SORCS2: variants seen among roughly 807,000 people sequenced by gnomAD.
SORCS2 encodes the protein VPS10 domain-containing receptor SorCS2.
A neutral mutation model predicts 141.6 loss-of-function variants in SORCS2; 100 were observed. That is an observed-to-expected ratio of 0.71 (90% confidence interval 0.60 to 0.83). The LOEUF (loss-of-function observed/expected upper bound fraction) is 0.83, where lower values mean the gene tolerates loss of function less well. Ranked by LOEUF, SORCS2 falls within the 40% of genes least tolerant of loss-of-function variation. The pLI is 0.00. For synonymous variants in SORCS2, 789 were observed against 676.9 expected, an observed-to-expected ratio of 1.17 and a Z score of -2.57; for missense variants, 1,646 against 1,560.2, an observed-to-expected ratio of 1.05 and a Z score of -0.93.
At chr4:7,630,984 G>A (rs1431084080) in intron 3 of SORCS2, among the ~76,000 whole-genome samples, 1 of 151,998 alleles carries the variant, frequency 6.6e-6, no homozygotes, top group Non-Finnish European at 1.5e-5. Flanking sequence ...CTGCAGAGGC[G>A]AGTGTGATCC....
chr4:7,299,877 C>T (rs979560007), intron 1 of SORCS2, among the ~76,000 whole-genome samples: 5 of 152,208 alleles, frequency 3.3e-5, no homozygotes, highest in East Asian at 1.9e-4. Flanking sequence ...CGTTGGCCTC[C>T]GCTTGTCCTT....
At chr4:7,634,654 G>C (rs1000826256) in intron 3 of SORCS2, among the ~76,000 whole-genome samples, 1 of 152,208 alleles carries the variant, frequency 6.6e-6, no homozygotes, top group Non-Finnish European at 1.5e-5. Context: ...CTTCGAGGAG[G>C]GGGGTAACTC....
rs180937859 is a variant in SORCS2 at position 7,274,290 on chromosome 4, G to A, written c.480+81164G>A. On this transcript the variant is annotated intron_variant, in intron 1 of 26. Transcript: ENST00000507866. Reference sequence around the variant, plus strand: ...TTTGGAATTGTTGGAAGAGGGCTCCGCCTCATTTATCCATCATGGGTGAGG... The same window carrying A: ...TTTGGAATTGTTGGAAGAGGGCTCCACCTCATTTATCCATCATGGGTGAGG... Among the ~76,000 whole-genome samples the A allele has an allele frequency of 5.9e-5, 9 of 152,340 alleles. No individual in the cohort carries two copies. In the East Asian group the frequency reaches 1.5e-3, roughly 26 times the overall value.
intron 2 of SORCS2, among the ~76,000 whole-genome samples, chr4:7,483,271 C>T (rs1391721324): frequency 1.4e-5 from 2 of 144,794 alleles, no homozygotes; most frequent in South Asian, 2.2e-4. Context: ...TGAAGTGAAC[C>T]GAGATTGGGC....
At chr4:7,412,058 G>A (rs1351006040) in intron 2 of SORCS2, among the ~76,000 whole-genome samples, 3 of 152,238 alleles carry the variant, frequency 2.0e-5, no homozygotes, top group African/African-American at 7.2e-5. Flanking sequence ...ATCCTAGGCT[G>A]TGTGGCAGAA....
At position 7,549,642 on chromosome 4, in the gene SORCS2, A is replaced by G. The variant is rs541314708; in HGVS notation, c.648+18013A>G. Among the ~76,000 whole-genome samples the G allele has an allele frequency of 1.9e-4, 29 of 152,354 alleles. No individual in the cohort carries two copies. In the East Asian group the frequency reaches 4.6e-3, roughly 24 times the overall value. ...GAAAGGGAGAAATTCAGTAATGCTTATGATGAACCCAGCACTGGTGCAAGC... is the reference window on the plus strand; with the variant it reads ...GAAAGGGAGAAATTCAGTAATGCTTGTGATGAACCCAGCACTGGTGCAAGC... On this transcript the variant is annotated intron_variant, in intron 3 of 26. Transcript: ENST00000507866.
intron 3 of SORCS2, among the ~76,000 whole-genome samples, chr4:7,548,259 C>T (rs542990048): frequency 2.6e-5 from 4 of 152,158 alleles, no homozygotes; most frequent in Non-Finnish European, 5.9e-5. Context: ...ATTGGGAAGT[C>T]ACCTTTGATT....
At chr4:7,701,436 G>T (rs538680810) in intron 12 of SORCS2, among the ~76,000 whole-genome samples, 3 of 152,218 alleles carry the variant, frequency 2.0e-5, no homozygotes, top group Admixed American at 1.3e-4. Context: ...AGGAGGAAAC[G>T]CCTGGGGAAG....
chr4:7,740,787 C>T lies in SORCS2; in HGVS notation c.*523C>T, dbSNP rs1712607939. The T allele has an allele frequency of 2.8e-6, 1 of 355,522 alleles. No homozygotes were observed. The allele number at this position is 355,522 out of a possible 1,614,324, so 22.0% of individuals were successfully genotyped here. On this transcript the variant is annotated 3_prime_UTR_variant, in exon 27 of 27. Transcript: ENST00000507866. Reference sequence around the variant, plus strand: ...CCCAACACCACACCACCCTCCAGGCCCCCCTGCCCTCCGGCTGGAAACTGC... The same window carrying T: ...CCCAACACCACACCACCCTCCAGGCTCCCCTGCCCTCCGGCTGGAAACTGC...
At position 7,580,816 on chromosome 4, in the gene SORCS2, G is replaced by C. The variant is rs1040048653; in HGVS notation, c.648+49187G>C. 5.9e-5 allele frequency among the ~76,000 whole-genome samples: 9 copies of C among 152,144 alleles called. No individual in the cohort carries two copies. The East Asian group carries it at 1.7e-3, about 29-fold the overall frequency. ...CATCGTGTAAAAGTTAGACTAGTCA[G>C]AATGTGCATCTCAGTTTTAGGGGGT... On this transcript the variant is annotated intron_variant, in intron 3 of 26. Transcript: ENST00000507866.
chr4:7,617,535 T>A (rs1718846964), intron 3 of SORCS2, among the ~76,000 whole-genome samples: 1 of 152,080 alleles, frequency 6.6e-6, no homozygotes, highest in African/African-American at 2.4e-5. Flanking sequence ...GAAACTACTA[T>A]CCTGACGTAG....
rs886863066 is a variant in SORCS2, at chr4:7,285,949, T to C, written c.480+92823T>C. 2.0e-5 allele frequency among the ~76,000 whole-genome samples: 3 copies of C among 152,236 alleles called. No homozygotes were observed. In the South Asian group the frequency reaches 6.2e-4, roughly 32 times the overall value. On this transcript the variant is annotated intron_variant, in intron 1 of 26. Coordinates refer to ENST00000507866, the MANE Select transcript of SORCS2 (RefSeq NM_020777.3). ...GACAGCCTGGGGCTGCAGTGTAGCGTGGAGGCCCAGTGCGGGGACCAGCAC... is the reference window on the plus strand; with the variant it reads ...GACAGCCTGGGGCTGCAGTGTAGCGCGGAGGCCCAGTGCGGGGACCAGCAC...
chr4:7,623,177 C>T lies in SORCS2; in HGVS notation c.649-15151C>T, dbSNP rs1325306283. 3.3e-5 allele frequency among the ~76,000 whole-genome samples: 5 copies of T among 152,096 alleles called. No homozygotes were observed. In the East Asian group the frequency reaches 7.7e-4, roughly 23 times the overall value. ...AGTCCTCAGACACACCAATGCCCTGCCTTTTACAATCAGTGACACTCAGAG... is the reference window on the plus strand; with the variant it reads ...AGTCCTCAGACACACCAATGCCCTGTCTTTTACAATCAGTGACACTCAGAG... On this transcript the variant is annotated intron_variant, in intron 3 of 26. Coordinates refer to ENST00000507866, the MANE Select transcript of SORCS2 (RefSeq NM_020777.3).
chr4:7,534,905 G>A (rs1711984714), intron 3 of SORCS2, among the ~76,000 whole-genome samples: 1 of 152,354 alleles, frequency 6.6e-6, no homozygotes, highest in Non-Finnish European at 1.5e-5. Flanking sequence ...CACAGCTGCT[G>A]TTTTGAGGAG....
chr4:7,724,054 G>T (rs1477344577), intron 19 of SORCS2, among the ~76,000 whole-genome samples, 171 bp downstream of exon 19: 1 of 152,198 alleles, frequency 6.6e-6, no homozygotes. Flanking sequence ...CACCCCTGAT[G>T]ACCCATACAA....
intron 3 of SORCS2, among the ~76,000 whole-genome samples, chr4:7,559,162 C>T (rs923505107): frequency 6.6e-6 from 1 of 152,218 alleles, no homozygotes; most frequent in Non-Finnish European, 1.5e-5. Flanking sequence ...CACTGCTGCA[C>T]TCTGCCCTGG....
chr4:7,615,092 C>G (rs573263841), intron 3 of SORCS2, among the ~76,000 whole-genome samples: 2 of 152,316 alleles, frequency 1.3e-5, no homozygotes, highest in African/African-American at 4.8e-5. Context: ...ATCCATCCAT[C>G]CATTCATCTA....
chr4:7,543,555 G>C (rs200514707), intron 3 of SORCS2, among the ~76,000 whole-genome samples: 25 of 69,964 alleles, frequency 3.6e-4, no homozygotes, highest in South Asian at 9.7e-4. Context: ...GTCCATCCAT[G>C]CACCCACCCA....
At chr4:7,232,575 C>A (rs959408937) in intron 1 of SORCS2, among the ~76,000 whole-genome samples, 9 of 152,210 alleles carry the variant, frequency 5.9e-5, no homozygotes, top group Admixed American at 5.2e-4. Context: ...TGGTCCGTGA[C>A]CTTTAGACTC....
Sources: allele counts gnomAD v4.1 joint callset (sites outside exome capture counted in the v4.1 genomes callset), GRCh38; gene constraint gnomAD v4.1.1; transcripts MANE v1.5; gene names NCBI Gene and HGNC (gene_info 2026-07-23, HGNC 2026-07-21).